NKAIN3: variants seen among roughly 807,000 people sequenced by gnomAD.
NKAIN3 encodes the protein sodium/potassium transporting ATPase interacting 3.
NKAIN3 carries 25 observed loss-of-function variants against 30.2 expected under a neutral mutation model. The observed-to-expected ratio is 0.83, with a 90% confidence interval of 0.60 to 1.16. NKAIN3 has a LOEUF of 1.16. Ranked by LOEUF, NKAIN3 falls within the 50% of genes most tolerant of loss-of-function variation. NKAIN3 has a pLI of 0.00. For missense variants in NKAIN3, 225 were observed against 254.1 expected (o/e 0.89, Z 0.78); for synonymous variants, 91 against 89.6 (o/e 1.02, Z -0.09).
intron 4 of NKAIN3, among the ~76,000 whole-genome samples, chr8:62,904,898 G>A (rs1449447687): frequency 6.6e-6 from 1 of 152,140 alleles, no homozygotes; most frequent in Non-Finnish European, 1.5e-5. Flanking sequence ...ATGATGATGT[G>A]TCAAAGTAGA....
chr8:62,972,838 C>G lies in NKAIN3; in HGVS notation c.*7431C>G, dbSNP rs962211375. Among the ~76,000 whole-genome samples the G allele has an allele frequency of 6.6e-6, 1 of 151,888 alleles. No individual in the cohort carries two copies. On this transcript the variant is annotated 3_prime_UTR_variant, in exon 7 of 7. Coordinates refer to ENST00000623646, the MANE Select transcript of NKAIN3 (RefSeq NM_001304533.3). ...TATCCCTCCCCTTGTCCCCCACTCCCCAACAGGCCCTGGTGTGTGATGTTC... is the reference window on the plus strand; with the variant it reads ...TATCCCTCCCCTTGTCCCCCACTCCGCAACAGGCCCTGGTGTGTGATGTTC...
At chr8:62,344,353 C>T (rs1457655516) in intron 1 of NKAIN3, among the ~76,000 whole-genome samples, 1 of 152,150 alleles carries the variant, frequency 6.6e-6, no homozygotes, top group Admixed American at 6.5e-5. Context: ...GTGCATACTA[C>T]ATTTCCAGAT....
chr8:62,926,493 G>A (rs140286149), intron 5 of NKAIN3, among the ~76,000 whole-genome samples: 10 of 152,090 alleles, frequency 6.6e-5, no homozygotes, highest in African/African-American at 2.2e-4. Flanking sequence ...CGCCCAACCC[G>A]CTCCAGGGGC....
chr8:62,340,897 GTCTT>G (rs565169188), intron 1 of NKAIN3, among the ~76,000 whole-genome samples: 12,527 of 152,056 alleles, frequency 0.082, 667 homozygotes, highest in African/African-American at 0.13. Flanking sequence ...CAAGGAAAGC[GTCTT>G]GTCATCTTCA....
At chr8:62,534,833 T>G (rs184737059) in intron 1 of NKAIN3, among the ~76,000 whole-genome samples, 1 of 147,982 alleles carries the variant, frequency 6.8e-6, no homozygotes, top group Admixed American at 6.8e-5. Flanking sequence ...TTCTTCATGG[T>G]AAAAATGTAA....
At chr8:62,275,945 G>T (rs1008167546) in intron 1 of NKAIN3, among the ~76,000 whole-genome samples, 1 of 152,078 alleles carries the variant, frequency 6.6e-6, no homozygotes, top group Non-Finnish European at 1.5e-5. Context: ...GAAACTCAGG[G>T]TATCTTTTTT....
intron 3 of NKAIN3, among the ~76,000 whole-genome samples, chr8:62,729,040 C>CCA (rs1563534943): frequency 3.3e-5 from 2 of 61,206 alleles, no homozygotes; most frequent in Non-Finnish European, 6.0e-5. Flanking sequence ...AAAAAAAAAA[C>CCA]AAAAAAAAAA....
In NKAIN3 at chr8:62,967,285, C is replaced by T. The variant is rs1823735488; in HGVS notation, c.*1878C>T. Among the ~76,000 whole-genome samples, 2 of 152,076 alleles carry T rather than the reference C, an allele frequency of 1.3e-5. No homozygotes were observed. Among genetic ancestry groups the T allele is most frequent in the South Asian group, 2.1e-4 (1 of 4,812 alleles). Reference sequence around the variant, plus strand: ...GGGAGCAAAAGTTGGGGTTTGGGTCCCATCCACCACCATGTTCTTGGACAG... The same window carrying T: ...GGGAGCAAAAGTTGGGGTTTGGGTCTCATCCACCACCATGTTCTTGGACAG... On this transcript the variant is annotated 3_prime_UTR_variant, in exon 7 of 7. Transcript: ENST00000623646.
In NKAIN3 at chr8:62,975,718, CTT is replaced by C. The variant is rs770516530; in HGVS notation, c.*10312_*10313del. Among the ~76,000 whole-genome samples the C allele has an allele frequency of 6.6e-6, 1 of 152,092 alleles. No homozygotes were observed. Among genetic ancestry groups the C allele is most frequent in the Non-Finnish European group, 1.5e-5 (1 of 68,004 alleles). Reference sequence around the variant, plus strand: ...CTGCTAGCTTTTGAAATAGTCTGCTCTTGTTTCTTTAATTCTTTTAATTGTGA... The same window carrying C: ...CTGCTAGCTTTTGAAATAGTCTGCTCGTTTCTTTAATTCTTTTAATTGTGA... On this transcript the variant is annotated 3_prime_UTR_variant, in exon 7 of 7. Transcript: ENST00000623646.
intron 5 of NKAIN3, among the ~76,000 whole-genome samples, chr8:62,949,453 C>T (rs943173314): frequency 2.6e-5 from 4 of 152,174 alleles, no homozygotes; most frequent in Non-Finnish European, 5.9e-5. Flanking sequence ...TGTGAGAATC[C>T]TTGTCAGGAA....
At chr8:62,417,193 T>G (rs1004846359) in intron 1 of NKAIN3, among the ~76,000 whole-genome samples, 1 of 152,108 alleles carries the variant, frequency 6.6e-6, no homozygotes, top group Non-Finnish European at 1.5e-5. Flanking sequence ...TTTTGATTTT[T>G]TAGATCCCAC....
rs576874722 is a variant in NKAIN3 at position 62,469,397 on chromosome 8, G to A, written c.55-110142G>A. Reference sequence around the variant, plus strand: ...TAGCTTGCCCAAAGTCACAAAGCAAGTCAATGATACAGTTGAATATGAACC... The same window carrying A: ...TAGCTTGCCCAAAGTCACAAAGCAAATCAATGATACAGTTGAATATGAACC... On this transcript the variant is annotated intron_variant, in intron 1 of 6. Transcript: ENST00000623646. Among the ~76,000 whole-genome samples, 63 of 152,298 alleles carry A rather than the reference G, an allele frequency of 4.1e-4. 2 individuals are homozygous for A. Among genetic ancestry groups the A allele is most frequent in the Middle Eastern group, 6.8e-3 (2 of 294 alleles).
At chr8:62,719,801 G>A (rs2130514487) in intron 3 of NKAIN3, among the ~76,000 whole-genome samples, 1 of 137,842 alleles carries the variant, frequency 7.3e-6, no homozygotes, top group Non-Finnish European at 1.5e-5. Flanking sequence ...CTGACATCCA[G>A]GCTGGAGTGC....
chr8:62,614,409 A>G (rs1328350707), intron 3 of NKAIN3, among the ~76,000 whole-genome samples: 1 of 152,074 alleles, frequency 6.6e-6, no homozygotes, highest in Non-Finnish European at 1.5e-5. Flanking sequence ...TGGCACAAGC[A>G]CCCCTGTGGC....
At chr8:62,899,483 C>G (rs1488936562) in intron 4 of NKAIN3, among the ~76,000 whole-genome samples, 1 of 152,014 alleles carries the variant, frequency 6.6e-6, no homozygotes, top group Non-Finnish European at 1.5e-5. Flanking sequence ...GTGAAATAAG[C>G]CAGGCACAGA....
chr8:62,500,122 T>A (rs1807379647), intron 1 of NKAIN3, among the ~76,000 whole-genome samples: 1 of 152,080 alleles, frequency 6.6e-6, no homozygotes, highest in African/African-American at 2.4e-5. Flanking sequence ...GCCAGAGACT[T>A]CTATCATCCT....
intron 1 of NKAIN3, among the ~76,000 whole-genome samples, chr8:62,549,930 C>T (rs1170086732): frequency 6.8e-6 from 1 of 147,956 alleles, no homozygotes; most frequent in Non-Finnish European, 1.5e-5. Context: ...CCTTGTACCT[C>T]TAGGGCCTAC....
At chr8:62,849,402 G>A (rs920401156) in intron 4 of NKAIN3, among the ~76,000 whole-genome samples, 4 of 151,276 alleles carry the variant, frequency 2.6e-5, no homozygotes, top group Non-Finnish European at 4.4e-5. Context: ...TCAGTCTTGG[G>A]AGGGCATATG....
intron 4 of NKAIN3, among the ~76,000 whole-genome samples, chr8:62,751,430 T>G (rs962013335): frequency 6.6e-6 from 1 of 152,146 alleles, no homozygotes; most frequent in African/African-American, 2.4e-5. Flanking sequence ...AGGCATCCAG[T>G]TTTACTCTTT....
Sources: allele counts gnomAD v4.1 joint callset (sites outside exome capture counted in the v4.1 genomes callset), GRCh38; gene constraint gnomAD v4.1.1; transcripts MANE v1.5; gene names NCBI Gene and HGNC (gene_info 2026-07-23, HGNC 2026-07-21).